Variants in SOBP observed in about 807,000 individuals in gnomAD.
The protein encoded by SOBP is sine oculis-binding protein homolog.
SOBP carries 4 observed loss-of-function variants against 53.6 expected under a neutral mutation model. The ratio of observed to expected loss-of-function variants is 0.07; its 90% CI spans 0.04 to 0.17. The LOEUF (loss-of-function observed/expected upper bound fraction) is 0.17. SOBP is among the 10% of genes least tolerant of loss of function. SOBP has a pLI of 1.00. For missense variants in SOBP, 1,088 were observed against 1,204.7 expected (o/e 0.90, Z 1.43); for synonymous variants, 584 against 522.6 (o/e 1.12, Z -1.60).
chr6:107,646,048 C>T (rs866601231), intron 6 of SOBP, among the ~76,000 whole-genome samples: 1 of 152,198 alleles, frequency 6.6e-6, no homozygotes, highest in Non-Finnish European at 1.5e-5. Flanking sequence ...ACAAGAATGA[C>T]AAGATGAAAT....
At chr6:107,638,193 T>TG in intron 6 of SOBP, among the ~76,000 whole-genome samples, 1 of 126,462 alleles carries the variant, frequency 7.9e-6, no homozygotes, top group Non-Finnish European at 1.8e-5. Flanking sequence ...CTTCCTGGTT[T>TG]GTTTTATTTA....
chr6:107,577,636 A>T lies in SOBP; in HGVS notation c.574-9444A>T, dbSNP rs142967950. On this transcript the variant is annotated intron_variant, in intron 4 of 6. Transcript: ENST00000317357. The stretch of plus-strand genomic sequence containing the variant: ...AATAAAAAATTGTATCATAATATTG[A>T]TGATGTTTTTAGAAGTCCACAAAGG... Among the ~76,000 whole-genome samples the T allele has an allele frequency of 3.4e-3, 525 of 152,330 alleles. 1 individual carries two copies. The highest frequency in any genetic ancestry group is 0.012 in the African/African-American group (494 of 41,562).
chr6:107,618,369 G>GA (rs982266885), intron 5 of SOBP, among the ~76,000 whole-genome samples: 4 of 152,184 alleles, frequency 2.6e-5, no homozygotes, highest in African/African-American at 9.7e-5. Context: ...AGGGGTAGCT[G>GA]ATCACCCATT....
At chr6:107,533,313 G>C (rs1460110903) in intron 3 of SOBP, 146 bp from the exon 4 acceptor site, 1 of 498,468 alleles carries the variant, frequency 2.0e-6, no homozygotes, top group Non-Finnish European at 3.6e-6. Flanking sequence ...GAGAAAGAGA[G>C]AGAGAGAGAG....
intron 4 of SOBP, among the ~76,000 whole-genome samples, chr6:107,583,068 GC>G (rs1785454224): frequency 6.6e-6 from 1 of 152,218 alleles, no homozygotes; most frequent in Non-Finnish European, 1.5e-5. Flanking sequence ...CCAAGTGGGG[GC>G]AGATGTAGAA....
chr6:107,508,371 G>C (rs1783056715), intron 3 of SOBP, among the ~76,000 whole-genome samples: 1 of 152,172 alleles, frequency 6.6e-6, no homozygotes, highest in South Asian at 2.1e-4. Flanking sequence ...CTGAGGTCAG[G>C]AGTTCAAGAC....
chr6:107,500,938 C>T (rs1453038647), intron 1 of SOBP, among the ~76,000 whole-genome samples: 2 of 152,094 alleles, frequency 1.3e-5, no homozygotes, highest in African/African-American at 2.4e-5. Flanking sequence ...TTTTGGTGTT[C>T]GTTTTCTCTC....
chr6:107,652,612 G>A (rs1434259072), intron 6 of SOBP, among the ~76,000 whole-genome samples: 1 of 152,218 alleles, frequency 6.6e-6, no homozygotes, highest in Non-Finnish European at 1.5e-5. Context: ...ACTCAGTTTT[G>A]AAAGTGTTCT....
At chr6:107,613,201 C>A (rs1377554704) in intron 5 of SOBP, among the ~76,000 whole-genome samples, 2 of 152,220 alleles carry the variant, frequency 1.3e-5, no homozygotes, top group Non-Finnish European at 2.9e-5. Flanking sequence ...GTGTGCCCTA[C>A]TGCAGCTTTC....
At chr6:107,522,202 G>C (rs1484669123) in intron 3 of SOBP, among the ~76,000 whole-genome samples, 5 of 152,184 alleles carry the variant, frequency 3.3e-5, no homozygotes, top group Admixed American at 6.5e-5. Flanking sequence ...GCAGACAGGT[G>C]TGAGGCTGGC....
At chr6:107,548,515 T>C (rs1157476423) in intron 4 of SOBP, among the ~76,000 whole-genome samples, 1 of 152,156 alleles carries the variant, frequency 6.6e-6, no homozygotes, top group Admixed American at 6.5e-5. Flanking sequence ...GTGCTGGGAT[T>C]ACAGGCGTGA....
rs892964382 is a variant in SOBP at position 107,658,511 on chromosome 6, A to G, written c.*308A>G. 6.6e-6 allele frequency: 1 copy of G among 152,602 alleles called. No homozygotes were observed. The highest frequency in any genetic ancestry group is 1.5e-5 in the Non-Finnish European group (1 of 68,042). 9.5% of individuals were successfully genotyped at this position (152,602 alleles called of 1,614,324 possible). A position where few individuals can be genotyped will look rare whatever the true frequency, so the allele number is the denominator to read the frequency against. ...CTTTTAAAAAAAACGAAATACCGAC[A>G]AGCCACAAGGACCAATGTAGGTATT... is the stretch of plus-strand genomic sequence containing the variant. On this transcript the variant is annotated 3_prime_UTR_variant, in exon 7 of 7. Coordinates refer to ENST00000317357, the MANE Select transcript of SOBP (RefSeq NM_018013.4).
chr6:107,599,357 T>C (rs1259071978), intron 5 of SOBP, among the ~76,000 whole-genome samples: 1 of 152,166 alleles, frequency 6.6e-6, no homozygotes, highest in South Asian at 2.1e-4. Context: ...AAGGAAATAC[T>C]AACAAATAAA....
intron 4 of SOBP, among the ~76,000 whole-genome samples, chr6:107,534,285 G>T (rs1276219807): frequency 1.3e-5 from 2 of 152,140 alleles, no homozygotes; most frequent in Non-Finnish European, 2.9e-5. Flanking sequence ...TTTGAATAGT[G>T]TTAGCCACCA....
intron 4 of SOBP, among the ~76,000 whole-genome samples, chr6:107,548,091 T>C (rs1784353155): frequency 6.6e-6 from 1 of 152,110 alleles, no homozygotes; most frequent in South Asian, 2.1e-4. Flanking sequence ...GTGAATCAAA[T>C]GTAAAGGAGC....
At position 107,589,284 on chromosome 6, in the gene SOBP, A is replaced by G. The variant is rs1453979938; in HGVS notation, c.669+2109A>G. On this transcript the variant is annotated intron_variant, in intron 5 of 6. Transcript: ENST00000317357. The stretch of plus-strand genomic sequence containing the variant: ...CAGGGTTCTTCTGGGCCCCCAGATG[A>G]TCAGGAGCACATGGCTGGACGACTA... Among the ~76,000 whole-genome samples the G allele has an allele frequency of 3.3e-5, 5 of 152,164 alleles. No individual in the cohort carries two copies. The East Asian group carries it at 9.6e-4, about 29-fold the overall frequency.
At position 107,634,167 on chromosome 6, in the gene SOBP, C is replaced by T. The variant is rs1482226461; in HGVS notation, c.1323C>T (p.Pro441=). 26 of 1,610,888 alleles carry T rather than the reference C, an allele frequency of 1.6e-5. No individual in the cohort carries two copies. The highest frequency in any genetic ancestry group is 2.2e-5 in the Non-Finnish European group (26 of 1,179,290). Residue 441 remains proline, a synonymous_variant, in exon 6 of 7, where the codon CCC becomes CCT. Coordinates refer to ENST00000317357, the MANE Select transcript of SOBP (RefSeq NM_018013.4). This position sits in a 1 kb window ranked among gnomAD's most constrained non-coding sequence, Gnocchi z 4.5. The stretch of plus-strand genomic sequence containing the variant: ...GCATCGGGCCCCCGCCCGGTGGCCC[C>T]AGAAACCTGGGCCCCACTTCCAGCC... The part of the protein sequence containing the change: ...LPGIGPPPGG[P]RNLGPTSSPM...
intron 1 of SOBP, among the ~76,000 whole-genome samples, chr6:107,495,487 G>C (rs1025603494): frequency 6.6e-6 from 1 of 152,074 alleles, no homozygotes; most frequent in Non-Finnish European, 1.5e-5. Flanking sequence ...GAAATGGAAA[G>C]GAACCACTCC....
At chr6:107,653,678 A>G (rs1771901417) in intron 6 of SOBP, among the ~76,000 whole-genome samples, 1 of 152,248 alleles carries the variant, frequency 6.6e-6, no homozygotes, top group Admixed American at 6.5e-5. Flanking sequence ...GAGGAAGGAA[A>G]TAATACAAGT....
Sources: gnomAD v4.1 joint callset for allele counts (sites outside exome capture counted in the v4.1 genomes callset) on GRCh38, gnomAD v4.1.1 for gene constraint, Gnocchi (gnomAD v3.1) non-coding constraint, MANE v1.5 for transcripts, NCBI Gene and HGNC (gene_info 2026-07-23, HGNC 2026-07-21) for gene names.